PLAAT1: variants seen among roughly 807,000 people sequenced by gnomAD.
The protein encoded by PLAAT1 is phospholipase A and acyltransferase 1.
PLAAT1 carries 13 observed loss-of-function variants against 16.4 expected under a neutral mutation model. That is an observed-to-expected ratio of 0.79 (90% CI 0.52 to 1.26). The LOEUF is 1.26. Ranked by LOEUF, PLAAT1 falls within the 50% of genes most tolerant of loss-of-function variation. The pLI is 0.00. For missense variants in PLAAT1, 218 were observed against 207.8 expected, an observed-to-expected ratio of 1.05 and a Z score of -0.30; for synonymous variants, 73 against 78.4, an observed-to-expected ratio of 0.93 and a Z score of 0.36.
chr3:193,277,887 A>G (rs772852764), downstream of PLAAT1: 2 of 152,172 alleles, frequency 1.3e-5, no homozygotes, highest in Non-Finnish European at 2.9e-5. Flanking sequence ...GTGCAGTGGC[A>G]CAATTTCAGC....
intron 1 of PLAAT1, among the ~76,000 whole-genome samples, chr3:193,246,198 T>C (rs914761986): frequency 3.9e-5 from 6 of 152,208 alleles, no homozygotes; most frequent in Non-Finnish European, 5.9e-5. Context: ...GCTTGTCATA[T>C]ATGGCCTTTA....
At chr3:193,279,975 T>TAAAA, downstream of PLAAT1, among the ~76,000 whole-genome samples, 1 of 7,508 alleles carries the variant, frequency 1.3e-4, no homozygotes, top group African/African-American at 5.4e-4. Flanking sequence ...TGTGTCTTTG[T>TAAAA]TAAAAAAAAA....
chr3:193,241,295 C>A lies in PLAAT1; in HGVS notation c.-239C>A. 1 of 1,230,850 alleles carries A rather than the reference C, an allele frequency of 8.1e-7. No homozygotes were observed. 76.2% of individuals were successfully genotyped at this position (1,230,850 alleles called of 1,614,324 possible). A position where few individuals can be genotyped will look rare whatever the true frequency, so the allele number is the denominator to read the frequency against. ...CGTCGGCCCCCCGGCGTGCGGGCGT[C>A]TCAGAGCCGCGGAGGGGCCGCCGGG... On this transcript the variant is annotated 5_prime_UTR_variant, in exon 1 of 4. Transcript: ENST00000264735.
At chr3:193,262,310 C>A (rs1484086471) in intron 2 of PLAAT1, among the ~76,000 whole-genome samples, 1 of 149,110 alleles carries the variant, frequency 6.7e-6, no homozygotes, top group Non-Finnish European at 1.5e-5. Context: ...CAGTGCCTAC[C>A]AAGTTAGCTT....
chr3:193,255,483 A>G (rs539686743), intron 1 of PLAAT1, among the ~76,000 whole-genome samples, 168 bp from the exon 2 acceptor site: 10 of 151,660 alleles, frequency 6.6e-5, no homozygotes, highest in Non-Finnish European at 1.2e-4. Context: ...TTGTGCACAC[A>G]TCAGTGTTGG....
intron 1 of PLAAT1, among the ~76,000 whole-genome samples, chr3:193,242,975 C>G (rs916697703): frequency 1.3e-5 from 2 of 152,182 alleles, no homozygotes; most frequent in African/African-American, 4.8e-5. Flanking sequence ...TGGGTGGCCT[C>G]TTAGGCATGA....
intron 1 of PLAAT1, among the ~76,000 whole-genome samples, chr3:193,248,017 G>A (rs1201858652): frequency 6.6e-6 from 1 of 152,134 alleles, no homozygotes; most frequent in Admixed American, 6.5e-5. Flanking sequence ...AATGTTGAAA[G>A]CGGGACATTA....
chr3:193,271,115 T>G (rs540893170), downstream of PLAAT1, among the ~76,000 whole-genome samples: 371 of 152,362 alleles, frequency 2.4e-3, 1 homozygote, highest in Non-Finnish European at 4.7e-3. Context: ...AATTCATGTT[T>G]CTTTTCTTGT....
chr3:193,242,485 G>T (rs1577295530), intron 1 of PLAAT1, among the ~76,000 whole-genome samples: 1 of 152,074 alleles, frequency 6.6e-6, no homozygotes, highest in South Asian at 2.1e-4. Context: ...TGGGTAGAAG[G>T]TTCAGTATTA....
chr3:193,265,071 A>G (rs923468433), intron 3 of PLAAT1, among the ~76,000 whole-genome samples: 1 of 152,242 alleles, frequency 6.6e-6, no homozygotes, highest in Admixed American at 6.5e-5. Context: ...GTAAAATGAT[A>G]TAACTGCTTT....
chr3:193,255,826 T>G, intron 2 of PLAAT1, 37 bp downstream of exon 2: 1 of 1,513,118 alleles, frequency 6.6e-7, no homozygotes, highest in Non-Finnish European at 8.9e-7. Flanking sequence ...GGAGCAAAGT[T>G]TTAGTGTTCT....
At chr3:193,240,685 G>GTGTGTGTGT (rs71177395), upstream of PLAAT1, among the ~76,000 whole-genome samples, 5 of 146,994 alleles carry the variant, frequency 3.4e-5, no homozygotes, top group African/African-American at 7.5e-5. Flanking sequence ...GTGTGTGTGT[G>GTGTGTGTGT]GTTGGAGGTC....
chr3:193,247,485 C>T (rs545344767), intron 1 of PLAAT1, among the ~76,000 whole-genome samples: 3 of 152,318 alleles, frequency 2.0e-5, no homozygotes, highest in East Asian at 3.9e-4. Context: ...TTCAGGACCC[C>T]TCTCTTTGCT....
Position 193,249,934 on chromosome 3 carries a change from CT to C in PLAAT1, c.1-5713del, listed in dbSNP as rs200879305. ...CTCAATAAAAATTGTTATGACTGCC[CT>C]TTTGAATTCCCTGTCAGATAAATCA... is the stretch of plus-strand genomic sequence containing the variant. On this transcript the variant is annotated intron_variant, in intron 1 of 3. Transcript: ENST00000264735. Among the ~76,000 whole-genome samples the C allele has an allele frequency of 7.1e-3, 1,079 of 152,078 alleles. 17 individuals carry two copies. The highest frequency in any genetic ancestry group is 0.023 in the African/African-American group (961 of 41,490).
intron 3 of PLAAT1, among the ~76,000 whole-genome samples, chr3:193,267,874 G>A (rs927082421): frequency 6.6e-6 from 1 of 152,172 alleles, no homozygotes; most frequent in Admixed American, 6.5e-5. Context: ...AGCATTTGAT[G>A]TTATCAGTAT....
At chr3:193,275,139 T>C (rs758479666), downstream of PLAAT1, 9 of 1,614,224 alleles carry the variant, frequency 5.6e-6, no homozygotes, top group Non-Finnish European at 7.6e-6. Context: ...TCCGTTGATG[T>C]AGAATCCATT....
chr3:193,278,814 G>A (rs925215066), downstream of PLAAT1, among the ~76,000 whole-genome samples: 8 of 152,060 alleles, frequency 5.3e-5, no homozygotes, highest in African/African-American at 1.5e-4. Flanking sequence ...TCTATGACTC[G>A]GAGATCAGGA....
At chr3:193,271,679 TC>T (rs1230775552), downstream of PLAAT1, among the ~76,000 whole-genome samples, 1 of 152,118 alleles carries the variant, frequency 6.6e-6, no homozygotes. Flanking sequence ...GCCAATGACA[TC>T]CGTCTTATGC....
intron 1 of PLAAT1, among the ~76,000 whole-genome samples, chr3:193,251,979 C>G (rs965790327): frequency 2.0e-5 from 3 of 152,020 alleles, no homozygotes; most frequent in East Asian, 1.9e-4. Flanking sequence ...TATGTATTTT[C>G]TTTGGTGAAA....
Sources: allele counts gnomAD v4.1 joint callset (sites outside exome capture counted in the v4.1 genomes callset), GRCh38; gene constraint gnomAD v4.1.1; transcripts MANE v1.5; gene names NCBI Gene and HGNC (gene_info 2026-07-23, HGNC 2026-07-21).